Variants in CALR3 observed in about 807,000 individuals in gnomAD.
CALR3 encodes calreticulin 3.
A neutral mutation model predicts 48.7 loss-of-function variants in CALR3; 39 were observed. The ratio of observed to expected loss-of-function variants is 0.80; its 90% CI spans 0.62 to 1.05. The LOEUF is 1.05. Ranked by LOEUF, CALR3 falls within the 50% of genes least tolerant of loss-of-function variation. CALR3 has a pLI of 0.00. For missense variants in CALR3, 449 were observed against 474.7 expected, an observed-to-expected ratio of 0.95 and a Z score of 0.50; for synonymous variants, 185 against 172.7, an observed-to-expected ratio of 1.07 and a Z score of -0.56.
chr19:16,491,186 G>T (rs1019672578), intron 2 of CALR3, among the ~76,000 whole-genome samples: 9 of 151,608 alleles, frequency 5.9e-5, no homozygotes, highest in African/African-American at 2.2e-4. Flanking sequence ...GCAGTGGCAC[G>T]ATCTCTGCCC....
intron 3 of CALR3, among the ~76,000 whole-genome samples, chr19:16,488,048 C>G (rs958170323): frequency 1.3e-5 from 2 of 152,096 alleles, no homozygotes; most frequent in African/African-American, 4.8e-5. Context: ...CTCCTGACCT[C>G]GTGATCTGCC....
intron 3 of CALR3, among the ~76,000 whole-genome samples, chr19:16,487,217 G>A (rs1370064339): frequency 3.3e-5 from 5 of 152,018 alleles, no homozygotes; most frequent in African/African-American, 4.8e-5. Context: ...GGTGGCTCAC[G>A]CCTGTAATTC....
At chr19:16,488,639 C>T (rs1351165948) in intron 3 of CALR3, among the ~76,000 whole-genome samples, 1 of 151,990 alleles carries the variant, frequency 6.6e-6, no homozygotes, top group Admixed American at 6.6e-5. Context: ...AACTCCTGAA[C>T]TCCAGTGATC....
intron 1 of CALR3, 53 bp downstream of exon 1, chr19:16,495,986 G>C: frequency 1.3e-6 from 2 of 1,563,866 alleles, no homozygotes; most frequent in Non-Finnish European, 1.7e-6. Context: ...CAGCCTTAGG[G>C]GGCGGAGATG....
rs147300344 is a variant in CALR3, at chr19:16,495,783, C to T, written c.161G>A (p.Gly54Asp). 1.9e-6 allele frequency: 3 copies of T among 1,614,090 alleles called. No homozygotes were observed. The highest frequency in any genetic ancestry group is 1.3e-5 in the African/African-American group (1 of 75,032). Reference sequence around the variant, plus strand: ...TTTCTCTTTATGACCATAAAACTTGCCCGACGAAAGTCTAAAATGCCCAAA... The same window carrying T: ...TTTCTCTTTATGACCATAAAACTTGTCCGACGAAAGTCTAAAATGCCCAAA... The part of the protein sequence containing the change: ...SRFGHFRLSS[G>D]KFYGHKEKDK... The change falls in exon 2 of 9, where the codon GGC becomes GAC. Residue 54 changes from glycine to aspartate, a missense_variant. Coordinates refer to ENST00000269881, the MANE Select transcript of CALR3 (RefSeq NM_145046.5).
chr19:16,491,163 C>T (rs1458346247), intron 2 of CALR3, among the ~76,000 whole-genome samples: 1 of 151,832 alleles, frequency 6.6e-6, no homozygotes, highest in Non-Finnish European at 1.5e-5. Flanking sequence ...CGCTCTGTCG[C>T]CCAGGCTGGA....
chr19:16,485,129 T>C, intron 4 of CALR3, 34 bp downstream of exon 4: 2 of 1,368,700 alleles, frequency 1.5e-6, no homozygotes, highest in Non-Finnish European at 2.1e-6. Flanking sequence ...TGGCAGGAGT[T>C]AACACTCATT....
chr19:16,480,074 G>C (rs529262882), intron 8 of CALR3, among the ~76,000 whole-genome samples: 1 of 151,654 alleles, frequency 6.6e-6, no homozygotes, highest in African/African-American at 2.4e-5. Context: ...GTGGTGGCAG[G>C]TGCCTGTAGT....
rs771571508 is a variant in CALR3 at position 16,490,452 on chromosome 19, G to T, written c.312C>A (p.Asp104Glu). Reference protein sequence around the residue: ...QYTVKHEQKMDCGGGYIKVFP... With the variant: ...QYTVKHEQKMECGGGYIKVFP... ...AGACCTTAATGTAGCCCCCTCCACA[G>T]TCCATCTTCTGCTCATGTTTTACTG... The change falls in exon 3 of 9, where the codon GAC (aspartate) becomes GAA (glutamate). Residue 104 changes from aspartate (D) to glutamate (E), a missense_variant. Asp to Glu is a conservative substitution (Grantham distance 45). Transcript: ENST00000269881. 1.2e-6 allele frequency: 2 copies of T among 1,614,148 alleles called. No individual in the cohort carries two copies. Among genetic ancestry groups the T allele is most frequent in the Admixed American group, 3.3e-5 (2 of 60,000 alleles).
chr19:16,484,167 TCTTTTCTTTTC>T (rs758005878), intron 4 of CALR3, 52 bp from the exon 5 acceptor site: 8 of 1,170,086 alleles, frequency 6.8e-6, no homozygotes, highest in South Asian at 4.7e-5. Flanking sequence ...ATTTCTTTTT[TCTTTTCTTTTC>T]TTTTTTTTTT....
intron 8 of CALR3, 106 bp from the exon 9 acceptor site, chr19:16,479,380 T>A: frequency 8.0e-7 from 1 of 1,250,772 alleles, no homozygotes; most frequent in South Asian, 1.2e-5. Context: ...AGTCAGGAGA[T>A]CGAGACCATC....
intron 3 of CALR3, among the ~76,000 whole-genome samples, chr19:16,488,334 T>G (rs934374408): frequency 6.6e-6 from 1 of 152,134 alleles, no homozygotes; most frequent in African/African-American, 2.4e-5. Context: ...TCCTCCTGCC[T>G]GGCCTCCCAA....
chr19:16,495,909 G>C, intron 1 of CALR3, 57 bp from the exon 2 acceptor site: 1 of 1,588,354 alleles, frequency 6.3e-7, no homozygotes, highest in South Asian at 1.1e-5. Context: ...TTTGGGCTAA[G>C]GGAAGGGTGA....
rs552364605 is a variant in CALR3, at chr19:16,484,092, G to T, written c.516C>A (p.Tyr172Ter). 4.3e-6 allele frequency: 7 copies of T among 1,613,306 alleles called. No individual in the cohort carries two copies. In the African/African-American group the frequency reaches 9.4e-5, roughly 22 times the overall value. The change falls in exon 5 of 9, where the codon TAC (tyrosine) becomes TAA (stop). Residue 172 changes from tyrosine to a stop codon, truncating the protein, a stop_gained. Coordinates refer to ENST00000269881, the MANE Select transcript of CALR3 (RefSeq NM_145046.5). LOFTEE classifies it high-confidence loss of function. ...AAAGATCTGGTCTTAAAATTAGAGT[G>T]TACAGGTGTGTGAAGCCATCAACCT... ...RCKVDGFTHL[Y>*]TLILRPDLSY...
intron 8 of CALR3, among the ~76,000 whole-genome samples, chr19:16,479,571 G>C (rs2093377311): frequency 6.7e-6 from 1 of 149,296 alleles, no homozygotes; most frequent in Non-Finnish European, 1.5e-5. Flanking sequence ...CTGGGCGACA[G>C]AGCAAGACTC....
chr19:16,482,882 T>A, intron 5 of CALR3, 97 bp from the exon 6 acceptor site: 1 of 1,178,680 alleles, frequency 8.5e-7, no homozygotes, highest in South Asian at 1.3e-5. Context: ...GGTTTTGCTC[T>A]CACCCAGGCT....
Position 16,496,096 on chromosome 19 carries a change from A to G in CALR3, c.34T>C (p.Cys12Arg), listed in dbSNP as rs764357332. 2 of 1,607,054 alleles carry G rather than the reference A, an allele frequency of 1.2e-6. No homozygotes were observed. Among genetic ancestry groups the G allele is most frequent in the Non-Finnish European group, 1.7e-6 (2 of 1,176,972 alleles). ...GTAGCCAGCGCCACTCGCAGCATGC[A>G]TATGGCCCAGAGCTGGACCAAAGCC... The part of the protein sequence containing the change: ...ARALVQLWAI[C>R]MLRVALATVY... The change falls in exon 1 of 9, where the codon TGC (cysteine) becomes CGC (arginine). Residue 12 changes from cysteine to arginine, a missense_variant. Coordinates refer to ENST00000269881, the MANE Select transcript of CALR3 (RefSeq NM_145046.5).
chr19:16,489,758 G>A (rs746873784), intron 3 of CALR3, among the ~76,000 whole-genome samples: 4 of 152,104 alleles, frequency 2.6e-5, no homozygotes, highest in South Asian at 2.1e-4. Context: ...GCAGTGAGGC[G>A]AGATCAAGCC....
At chr19:16,487,814 A>ATTT (rs1158111803) in intron 3 of CALR3, among the ~76,000 whole-genome samples, 5 of 111,298 alleles carry the variant, frequency 4.5e-5, no homozygotes, top group African/African-American at 1.4e-4. Flanking sequence ...CTAATTTTCA[A>ATTT]TTTTTTTTTT....
Sources: allele counts gnomAD v4.1 joint callset (sites outside exome capture counted in the v4.1 genomes callset), GRCh38; gene constraint gnomAD v4.1.1; transcripts MANE v1.5; gene names NCBI Gene and HGNC (gene_info 2026-07-23, HGNC 2026-07-21).